Variants in FNDC3A observed in about 807,000 individuals in gnomAD.
FNDC3A encodes fibronectin type III domain containing 3A, also known as fibronectin type-III domain-containing protein 3A.
A neutral mutation model predicts 148.9 loss-of-function variants in FNDC3A; 32 were observed. That is an observed-to-expected ratio of 0.21 (90% confidence interval 0.16 to 0.29). The LOEUF (loss-of-function observed/expected upper bound fraction) is 0.29, where lower values mean the gene tolerates loss of function less well. Ranked by LOEUF, FNDC3A falls within the 10% of genes least tolerant of loss-of-function variation. The pLI, the probability that FNDC3A is intolerant of heterozygous loss-of-function variation, is 1.00. For synonymous variants in FNDC3A, 472 were observed against 473.6 expected (o/e 1.00, Z 0.04); for missense variants, 1,191 against 1,452.8 (o/e 0.82, Z 2.93).
chr13:49,193,019 G>T (rs541729395), intron 19 of FNDC3A, among the ~76,000 whole-genome samples: 1 of 152,276 alleles, frequency 6.6e-6, no homozygotes, highest in East Asian at 1.9e-4. Flanking sequence ...GCAAAAAAAT[G>T]ACATTTGTCA....
chr13:49,023,716 G>C (rs1481470812), intron 2 of FNDC3A, among the ~76,000 whole-genome samples: 1 of 151,898 alleles, frequency 6.6e-6, no homozygotes, highest in African/African-American at 2.4e-5. Flanking sequence ...CTAAAGCAAG[G>C]AGGAAATAAA....
At chr13:49,130,389 C>G (rs2137922060) in intron 4 of FNDC3A, among the ~76,000 whole-genome samples, 1 of 152,214 alleles carries the variant, frequency 6.6e-6, no homozygotes, top group East Asian at 1.9e-4. Flanking sequence ...CAAATTCTAA[C>G]ATGTCATTGA....
intron 1 of FNDC3A, among the ~76,000 whole-genome samples, chr13:48,999,181 GTGA>G (rs1352758085): frequency 6.6e-6 from 1 of 152,216 alleles, no homozygotes; most frequent in African/African-American, 2.4e-5. Flanking sequence ...AGCCATGGGA[GTGA>G]TGCTGCCATT....
At chr13:49,064,573 G>C (rs146375668) in intron 2 of FNDC3A, among the ~76,000 whole-genome samples, 2 of 152,254 alleles carry the variant, frequency 1.3e-5, no homozygotes, top group Non-Finnish European at 2.9e-5. Flanking sequence ...GTGACAGGAA[G>C]GTTTCATGGA....
chr13:49,126,231 C>T (rs573386494), intron 4 of FNDC3A, among the ~76,000 whole-genome samples: 27 of 151,596 alleles, frequency 1.8e-4, no homozygotes, highest in African/African-American at 6.3e-4. Context: ...TTTTTTTTTC[C>T]CCTCTTCTGT....
At chr13:49,085,907 A>G (rs866380714) in intron 3 of FNDC3A, among the ~76,000 whole-genome samples, 94 of 148,566 alleles carry the variant, frequency 6.3e-4, no homozygotes, top group African/African-American at 2.0e-3. Context: ...CCTTGAGACC[A>G]AGTCTTACTG....
chr13:49,136,683 G>T (rs957603038), intron 6 of FNDC3A, 82 bp downstream of exon 6: 5 of 1,353,376 alleles, frequency 3.7e-6, no homozygotes, highest in Non-Finnish European at 5.1e-6. Context: ...TAACCTTTCA[G>T]TCATTTTGTC....
intron 7 of FNDC3A, among the ~76,000 whole-genome samples, chr13:49,145,111 G>GA (rs1414786398): frequency 1.3e-5 from 2 of 151,602 alleles, no homozygotes; most frequent in East Asian, 1.9e-4. Flanking sequence ...ATATTACCCT[G>GA]AAAAAAAATT....
chr13:49,172,886 G>T (rs533227535), intron 11 of FNDC3A, among the ~76,000 whole-genome samples: 1 of 152,240 alleles, frequency 6.6e-6, no homozygotes, highest in African/African-American at 2.4e-5. Context: ...CAGTCTTTTG[G>T]CTTCCTTGGG....
intron 14 of FNDC3A, among the ~76,000 whole-genome samples, chr13:49,180,350 T>A (rs910619602): frequency 1.3e-5 from 2 of 152,242 alleles, no homozygotes; most frequent in African/African-American, 4.8e-5. Flanking sequence ...ATCTTAAGTC[T>A]TTAGCAATGG....
chr13:49,164,091 T>TTTTGCTTGTCTGGAAAATACC (rs1884320931), intron 8 of FNDC3A, among the ~76,000 whole-genome samples: 1 of 152,160 alleles, frequency 6.6e-6, no homozygotes, highest in Non-Finnish European at 1.5e-5. Context: ...TTCCCTCAGC[T>TTTTGCTTGTCTGGAAAATACC]TTTGCTTGTC....
At chr13:49,027,472 TTC>T (rs1593489794) in intron 2 of FNDC3A, among the ~76,000 whole-genome samples, 1 of 152,196 alleles carries the variant, frequency 6.6e-6, no homozygotes. Context: ...AAAAATTTTT[TTC>T]TGTCTGATTT....
chr13:49,198,035 TCCA>T lies in FNDC3A; in HGVS notation c.2548_2550del (p.Pro850del). On this transcript the variant is annotated inframe_deletion, in exon 22 of 26. Transcript: ENST00000492622. Reference sequence around the variant, plus strand: ...TCAGTGAAGTAGTAGCCTGTGTGACTCCACCATCAGTTCCTGGCATTGTGACCT... The same window carrying T: ...TCAGTGAAGTAGTAGCCTGTGTGACTCCATCAGTTCCTGGCATTGTGACCT... 1 of 1,614,130 alleles carries T rather than the reference TCCA, an allele frequency of 6.2e-7. No homozygotes were observed.
chr13:49,120,573 G>T (rs1434479186), intron 4 of FNDC3A, among the ~76,000 whole-genome samples: 1 of 151,912 alleles, frequency 6.6e-6, no homozygotes, highest in Non-Finnish European at 1.5e-5. Context: ...GAGACCCATT[G>T]GTGTGCTGTA....
In FNDC3A at chr13:49,197,739, T is replaced by C. The variant is rs567720121; in HGVS notation, c.2355T>C (p.Asn785=). The C allele has an allele frequency of 1.2e-6, 2 of 1,604,490 alleles. No homozygotes were observed. Among genetic ancestry groups the C allele is most frequent in the East Asian group, 2.2e-5 (1 of 44,770 alleles). ...TTAATTTAAAGGTTCCTTTGAGTAATGGAACAGATGTCACTGAATATCGAC... is the reference window on the plus strand; with the variant it reads ...TTAATTTAAAGGTTCCTTTGAGTAACGGAACAGATGTCACTGAATATCGAC... ...AQVNWEVPLS[N]GTDVTEYRLE... Residue 785 remains asparagine (N), a synonymous_variant, in exon 21 of 26, where the codon AAT becomes AAC. Coordinates refer to ENST00000492622, the MANE Select transcript of FNDC3A (RefSeq NM_001079673.2).
intron 2 of FNDC3A, among the ~76,000 whole-genome samples, chr13:49,013,133 T>C (rs950558537): frequency 2.6e-5 from 4 of 151,958 alleles, no homozygotes; most frequent in African/African-American, 9.7e-5. Context: ...CTGTGCAACA[T>C]ATAGTAAGAC....
intron 5 of FNDC3A, among the ~76,000 whole-genome samples, chr13:49,134,390 A>G (rs1030410988): frequency 6.6e-6 from 1 of 152,086 alleles, no homozygotes; most frequent in Non-Finnish European, 1.5e-5. Context: ...GTTCCTTTTT[A>G]TGGCTGCAAT....
At chr13:49,198,654 A>C (rs1418181231) in intron 23 of FNDC3A, 80 bp downstream of exon 23, 1 of 1,172,868 alleles carries the variant, frequency 8.5e-7, no homozygotes, top group Non-Finnish European at 1.2e-6. Context: ...GAAGTAGGCC[A>C]GGTGTGGTGG....
At chr13:49,147,682 G>A (rs1311736707) in intron 8 of FNDC3A, among the ~76,000 whole-genome samples, 1 of 152,114 alleles carries the variant, frequency 6.6e-6, no homozygotes, top group African/African-American at 2.4e-5. Context: ...CAATAGTGCT[G>A]CAGTAAATGT....
Sources: allele counts gnomAD v4.1 joint callset (sites outside exome capture counted in the v4.1 genomes callset), GRCh38; gene constraint gnomAD v4.1.1; transcripts MANE v1.5; gene names NCBI Gene and HGNC (gene_info 2026-07-23, HGNC 2026-07-21).